ARHGAP42: variants seen among roughly 807,000 people sequenced by gnomAD.
ARHGAP42 encodes the protein rho GTPase-activating protein 42.
ARHGAP42 carries 63 observed loss-of-function variants against 125.0 expected under a neutral mutation model. The ratio of observed to expected loss-of-function variants is 0.50; its 90% CI spans 0.41 to 0.62. The LOEUF (loss-of-function observed/expected upper bound fraction) is 0.62, where lower values mean the gene tolerates loss of function less well. ARHGAP42 is among the 20% of genes least tolerant of loss of function. ARHGAP42 has a pLI of 0.00. For synonymous variants in ARHGAP42, 339 were observed against 351.0 expected, an observed-to-expected ratio of 0.97 and a Z score of 0.38; for missense variants, 766 against 1,024.2, an observed-to-expected ratio of 0.75 and a Z score of 3.44.
At chr11:100,707,048 A>G (rs1861490864) in intron 1 of ARHGAP42, among the ~76,000 whole-genome samples, 1 of 152,238 alleles carries the variant, frequency 6.6e-6, no homozygotes, top group East Asian at 1.9e-4. Flanking sequence ...GCATATTTCA[A>G]GGTTCATCCA....
intron 22 of ARHGAP42, among the ~76,000 whole-genome samples, chr11:100,984,157 T>C (rs1354129910): frequency 6.6e-6 from 1 of 151,738 alleles, no homozygotes; most frequent in Non-Finnish European, 1.5e-5. Flanking sequence ...AATCTCCAAT[T>C]AGTGCCAAAG....
intron 4 of ARHGAP42, among the ~76,000 whole-genome samples, chr11:100,871,977 G>T (rs7932488): frequency 6.6e-6 from 1 of 152,024 alleles, no homozygotes; most frequent in Non-Finnish European, 1.5e-5. Flanking sequence ...TCCTGACCTC[G>T]GGTGATCCGC....
intron 4 of ARHGAP42, among the ~76,000 whole-genome samples, chr11:100,871,555 A>G (rs893115847): frequency 3.3e-5 from 5 of 151,492 alleles, no homozygotes; most frequent in Admixed American, 6.6e-5. Context: ...TAAAAAAAAA[A>G]AAAAAAGAAA....
chr11:100,777,503 G>A (rs967604381), intron 2 of ARHGAP42, among the ~76,000 whole-genome samples: 4 of 152,084 alleles, frequency 2.6e-5, no homozygotes, highest in South Asian at 2.1e-4. Context: ...TTGAAGATGC[G>A]TCTGTTAGGT....
chr11:100,846,624 C>T (rs1337481046), intron 3 of ARHGAP42, among the ~76,000 whole-genome samples: 1 of 152,068 alleles, frequency 6.6e-6, no homozygotes, highest in Admixed American at 6.6e-5. Flanking sequence ...AAGCTGGAGA[C>T]GTAAGCATTT....
chr11:100,921,470 T>C (rs752696525), intron 5 of ARHGAP42, 24 bp from the exon 6 acceptor site: 1 of 1,475,458 alleles, frequency 6.8e-7, no homozygotes. Context: ...CCATCAGTAA[T>C]CACCCTCTGG....
chr11:100,923,896 A>T (rs1385477787), intron 6 of ARHGAP42, among the ~76,000 whole-genome samples: 1 of 152,114 alleles, frequency 6.6e-6, no homozygotes, highest in Non-Finnish European at 1.5e-5. Flanking sequence ...CTTAATATCC[A>T]TTTGAACAAT....
chr11:100,715,972 G>A (rs1222364861), intron 1 of ARHGAP42, among the ~76,000 whole-genome samples: 7 of 152,192 alleles, frequency 4.6e-5, no homozygotes, highest in African/African-American at 1.7e-4. Flanking sequence ...TGATGGGATT[G>A]GTGTAGGAAG....
At chr11:100,815,375 T>A (rs1490345340) in intron 3 of ARHGAP42, among the ~76,000 whole-genome samples, 1 of 152,308 alleles carries the variant, frequency 6.6e-6, no homozygotes, top group Middle Eastern at 3.4e-3. Flanking sequence ...TCACCCTTTT[T>A]AAGGCAAATT....
intron 1 of ARHGAP42, among the ~76,000 whole-genome samples, chr11:100,739,837 C>T (rs1037311041): frequency 6.6e-6 from 1 of 152,130 alleles, no homozygotes; most frequent in African/African-American, 2.4e-5. Context: ...GCCTTGATAA[C>T]CGCATTCATT....
At chr11:100,907,091 A>G (rs1325351704) in intron 4 of ARHGAP42, among the ~76,000 whole-genome samples, 4 of 152,184 alleles carry the variant, frequency 2.6e-5, no homozygotes, top group African/African-American at 4.8e-5. Flanking sequence ...CCCCTCTACA[A>G]TCCCATCAGT....
At chr11:100,855,277 G>A (rs1265637260) in intron 3 of ARHGAP42, among the ~76,000 whole-genome samples, 1 of 152,086 alleles carries the variant, frequency 6.6e-6, no homozygotes, top group Non-Finnish European at 1.5e-5. Flanking sequence ...ATTCGGATGT[G>A]TTAGCTAATG....
chr11:100,785,693 G>A (rs1402322527), intron 2 of ARHGAP42, among the ~76,000 whole-genome samples: 1 of 152,156 alleles, frequency 6.6e-6, no homozygotes, highest in African/African-American at 2.4e-5. Flanking sequence ...GGGGCAGTGC[G>A]AGGTGTAAGT....
At chr11:100,708,776 A>T (rs1170755516) in intron 1 of ARHGAP42, among the ~76,000 whole-genome samples, 1 of 152,176 alleles carries the variant, frequency 6.6e-6, no homozygotes, top group African/African-American at 2.4e-5. Context: ...ATCCACAGAG[A>T]TAAGTTTGAA....
intron 1 of ARHGAP42, among the ~76,000 whole-genome samples, chr11:100,738,848 C>T (rs960930609): frequency 1.3e-5 from 2 of 152,084 alleles, no homozygotes; most frequent in African/African-American, 4.8e-5. Flanking sequence ...AAACTGTGCC[C>T]GTTGCATTCC....
intron 2 of ARHGAP42, among the ~76,000 whole-genome samples, chr11:100,775,496 C>T (rs565391715): frequency 1.3e-5 from 2 of 152,252 alleles, no homozygotes; most frequent in African/African-American, 4.8e-5. Flanking sequence ...GAATTGATAA[C>T]GTTCCAACAT....
In ARHGAP42 at chr11:100,705,446, T is replaced by C. The variant is rs1032890816; in HGVS notation, c.154+17614T>C. On this transcript the variant is annotated intron_variant, in intron 1 of 23. Coordinates refer to ENST00000298815, the MANE Select transcript of ARHGAP42 (RefSeq NM_152432.4). ...TGTGAGCACATCACCTGGCTTCTTT[T>C]GTGAGTTTTTTTCTTTGTCCTTAAT... 2.5e-4 allele frequency among the ~76,000 whole-genome samples: 38 copies of C among 152,350 alleles called. 2 individuals are homozygous for C. The highest frequency in any genetic ancestry group is 1.4e-3 in the Admixed American group (22 of 15,308).
chr11:100,875,124 T>C (rs1222247949), intron 4 of ARHGAP42, among the ~76,000 whole-genome samples: 2 of 119,942 alleles, frequency 1.7e-5, no homozygotes, highest in Middle Eastern at 3.5e-3. Flanking sequence ...TGTGTGTGTG[T>C]GTGTGTGTGT....
chr11:100,982,401 T>A (rs1858567286), intron 22 of ARHGAP42, among the ~76,000 whole-genome samples: 1 of 152,200 alleles, frequency 6.6e-6, no homozygotes, highest in East Asian at 1.9e-4. Context: ...GCTGCATTTT[T>A]GTCACCCTCC....
Sources: gnomAD v4.1 joint callset for allele counts (sites outside exome capture counted in the v4.1 genomes callset) on GRCh38, gnomAD v4.1.1 for gene constraint, MANE v1.5 for transcripts, NCBI Gene and HGNC (gene_info 2026-07-23, HGNC 2026-07-21) for gene names.